Variants in PCDHA9 observed in about 807,000 individuals in gnomAD.
The protein encoded by PCDHA9 is protocadherin alpha 9.
A neutral mutation model predicts 62.0 loss-of-function variants in PCDHA9; 62 were observed. That is an observed-to-expected ratio of 1.00 (90% CI 0.81 to 1.23). The LOEUF (loss-of-function observed/expected upper bound fraction) is 1.23. Ranked by LOEUF, PCDHA9 falls within the 50% of genes most tolerant of loss-of-function variation. The pLI is 0.00. For synonymous variants in PCDHA9, 557 were observed against 567.6 expected, an observed-to-expected ratio of 0.98 and a Z score of 0.27; for missense variants, 1,205 against 1,249.8, an observed-to-expected ratio of 0.96 and a Z score of 0.54.
At position 140,857,550 on chromosome 5, in the gene PCDHA9, G is replaced by A; in HGVS notation, c.2394+6661G>A. 4 of 1,596,852 alleles carry A rather than the reference G, an allele frequency of 2.5e-6. 1 individual carries two copies. The highest frequency in any genetic ancestry group is 3.4e-6 in the Non-Finnish European group (4 of 1,167,652). On this transcript the variant is annotated intron_variant, in intron 1 of 3. Coordinates refer to ENST00000532602, the MANE Select transcript of PCDHA9 (RefSeq NM_031857.2). ...CTGGTGGAGCGGCGGTTGGGCGAGC[G>A]CTCGCTGTCGAGCTACGTGTCGGTG...
chr5:140,928,296 T>C (rs2085128137), intron 1 of PCDHA9: 6 of 1,614,054 alleles, frequency 3.7e-6, no homozygotes, highest in African/African-American at 1.3e-5. Flanking sequence ...GCCGAGTGTT[T>C]GCCCAGGACC....
chr5:140,921,705 G>C (rs2080339656), intron 1 of PCDHA9, among the ~76,000 whole-genome samples: 1 of 152,042 alleles, frequency 6.6e-6, no homozygotes, highest in Non-Finnish European at 1.5e-5. Context: ...ATTTTAAACA[G>C]TAAACACACG....
chr5:140,995,372 G>A (rs1363484150), intron 3 of PCDHA9, among the ~76,000 whole-genome samples: 3 of 152,168 alleles, frequency 2.0e-5, no homozygotes, highest in African/African-American at 7.2e-5. Context: ...GATGATTCAC[G>A]TACTGGGCAG....
At position 140,849,935 on chromosome 5, in the gene PCDHA9, G is replaced by C. The variant is rs2150458512; in HGVS notation, c.1440G>C (p.Arg480=). The C allele has an allele frequency of 9.4e-6, 15 of 1,598,054 alleles. 1 individual carries two copies. In the East Asian group the frequency reaches 3.1e-4, roughly 33 times the overall value. The change falls in exon 1 of 4, where the codon CGG becomes CGC. Residue 480 remains arginine (R), a synonymous_variant. Transcript: ENST00000532602. ...GCCACATCTTCACGGTGTCTGCGCG[G>C]GACGCTGACGCGCAGGAGAACGCCC... ...PGCHIFTVSA[R]DADAQENALV... is the part of the protein sequence containing the mutation.
intron 1 of PCDHA9, chr5:140,858,518 A>G: frequency 7.0e-7 from 1 of 1,420,434 alleles, no homozygotes; most frequent in African/African-American, 1.4e-5. Context: ...TATGTATCAG[A>G]ATATTTCATT....
At chr5:140,879,303 G>A (rs2057936117) in intron 1 of PCDHA9, among the ~76,000 whole-genome samples, 1 of 152,184 alleles carries the variant, frequency 6.6e-6, no homozygotes. Flanking sequence ...AAAAACAAAA[G>A]TAGAAGTTGA....
At chr5:140,854,022 C>A in intron 1 of PCDHA9, 1 of 318,106 alleles carries the variant, frequency 3.1e-6, no homozygotes, top group Non-Finnish European at 4.7e-6. Context: ...ATTAGCCGGG[C>A]ATGGTGGCAC....
chr5:140,873,589 A>C (rs1562682260), intron 1 of PCDHA9, among the ~76,000 whole-genome samples: 1 of 152,272 alleles, frequency 6.6e-6, no homozygotes, highest in Non-Finnish European at 1.5e-5. Context: ...TATTAAGCTA[A>C]ACTTAGATGT....
chr5:140,861,303 G>A (rs1290097316), intron 1 of PCDHA9: 2 of 189,476 alleles, frequency 1.1e-5, no homozygotes, highest in Non-Finnish European at 2.2e-5. Context: ...TGTGAAGCGG[G>A]AAAGGACCAG....
intron 3 of PCDHA9, 128 bp downstream of exon 3, chr5:140,982,691 C>T: frequency 7.1e-7 from 1 of 1,408,152 alleles, no homozygotes; most frequent in Non-Finnish European, 9.3e-7. Context: ...TTTTTCCATA[C>T]ATACATGATT....
intron 1 of PCDHA9, chr5:140,883,738 C>T (rs149972776): frequency 2.5e-5 from 41 of 1,613,276 alleles, no homozygotes; most frequent in Non-Finnish European, 3.3e-5. Flanking sequence ...ACGCGCTGGT[C>T]TCCTACTCGC....
Position 140,922,465 on chromosome 5 carries a change from T to C in PCDHA9, c.2395-56484T>C, listed in dbSNP as rs116670359. ...CATTATCCTATTTGTCAACACAAAA[T>C]AGGAGAGAAGGCAGGACTAAATCTG... On this transcript the variant is annotated intron_variant, in intron 1 of 3. Transcript: ENST00000532602. Among the ~76,000 whole-genome samples the C allele has an allele frequency of 8.9e-3, 1,361 of 152,304 alleles. 16 individuals carry two copies. Among genetic ancestry groups the C allele is most frequent in the African/African-American group, 0.031 (1,303 of 41,562 alleles).
At chr5:140,927,964 G>A in intron 1 of PCDHA9, 1 of 1,614,230 alleles carries the variant, frequency 6.2e-7, no homozygotes, top group South Asian at 1.1e-5. Context: ...CCCTGGCACA[G>A]TGATTGCTCT....
At chr5:140,914,615 A>G (rs573524299) in intron 1 of PCDHA9, among the ~76,000 whole-genome samples, 12 of 151,836 alleles carry the variant, frequency 7.9e-5, no homozygotes, top group African/African-American at 2.9e-4. Context: ...GCCATTTTGT[A>G]ATTTGTTTTC....
Position 140,980,544 on chromosome 5 carries a change from C to T in PCDHA9, c.2453+1537C>T, listed in dbSNP as rs111386744. 4.0e-3 allele frequency among the ~76,000 whole-genome samples: 611 copies of T among 152,160 alleles called. 1 individual carries two copies. The highest frequency in any genetic ancestry group is 0.013 in the African/African-American group (560 of 41,516). On this transcript the variant is annotated intron_variant, in intron 2 of 3. Coordinates refer to ENST00000532602, the MANE Select transcript of PCDHA9 (RefSeq NM_031857.2). ...ACTAGGGAGGCTGAGGCAGGAGAAT[C>T]GCTTGAACCCGGGAGGCGGAAGTTG...
At chr5:140,862,584 G>A (rs2047434517) in intron 1 of PCDHA9, 1 of 495,742 alleles carries the variant, frequency 2.0e-6, no homozygotes, top group South Asian at 1.6e-5. Context: ...CGTTCCAGCA[G>A]CCCGAGTACA....
At position 140,849,851 on chromosome 5, in the gene PCDHA9, A is replaced by T. The variant is rs148732691; in HGVS notation, c.1356A>T (p.Ala452=). The change falls in exon 1 of 4, where the codon GCA becomes GCT. Residue 452 remains alanine (A), a synonymous_variant. Coordinates refer to ENST00000532602, the MANE Select transcript of PCDHA9 (RefSeq NM_031857.2). ...SVEVADVNDN[A]PAFAQSEYTV... is the part of the protein sequence containing the mutation. Reference sequence around the variant, plus strand: ...AGGTGGCCGACGTGAACGACAACGCACCAGCGTTCGCGCAGTCCGAGTACA... The same window carrying T: ...AGGTGGCCGACGTGAACGACAACGCTCCAGCGTTCGCGCAGTCCGAGTACA... The T allele has an allele frequency of 4.9e-4, 784 of 1,598,368 alleles. 43 individuals are homozygous for T. The African/African-American group carries it at 9.3e-3, about 19-fold the overall frequency.
intron 1 of PCDHA9, among the ~76,000 whole-genome samples, chr5:140,943,885 T>C (rs762067236): frequency 6.6e-5 from 10 of 152,242 alleles, no homozygotes; most frequent in Non-Finnish European, 1.2e-4. Flanking sequence ...TTCATTGGAC[T>C]GGTCATTATG....
chr5:140,878,079 T>C (rs1453461494), intron 1 of PCDHA9: 1 of 346,026 alleles, frequency 2.9e-6, no homozygotes, highest in Non-Finnish European at 4.9e-6. Context: ...TTTTCTATAA[T>C]ATTTTATATG....
Sources: gnomAD v4.1 joint callset for allele counts (sites outside exome capture counted in the v4.1 genomes callset) on GRCh38, gnomAD v4.1.1 for gene constraint, MANE v1.5 for transcripts, NCBI Gene and HGNC (gene_info 2026-07-23, HGNC 2026-07-21) for gene names.